TTC6: variants seen among roughly 807,000 people sequenced by gnomAD.
TTC6 encodes the protein tetratricopeptide repeat protein 6.
In TTC6, 172 loss-of-function variants were observed where a neutral mutation model predicts 210.4. The observed-to-expected ratio is 0.82, with a 90% CI of 0.72 to 0.93. The LOEUF (loss-of-function observed/expected upper bound fraction) is 0.93, where lower values mean the gene tolerates loss of function less well. Among genes scored for constraint, TTC6 ranks in the 40% least tolerant of loss-of-function variants. TTC6 has a pLI of 0.00. For synonymous variants in TTC6, 804 were observed against 819.6 expected, an observed-to-expected ratio of 0.98 and a Z score of 0.32; for missense variants, 2,414 against 2,318.1, an observed-to-expected ratio of 1.04 and a Z score of -0.85.
chr14:37,808,899 T>C (rs2096123998), intron 24 of TTC6, 53 bp downstream of exon 26: 2 of 870,326 alleles, frequency 2.3e-6, no homozygotes, highest in Non-Finnish European at 3.6e-6. Flanking sequence ...ATAAATAACA[T>C]GCATTTAATA....
chr14:37,649,691 G>C (rs1174408880), intron 1 of TTC6, among the ~76,000 whole-genome samples: 1 of 152,100 alleles, frequency 6.6e-6, no homozygotes, highest in Non-Finnish European at 1.5e-5. Context: ...TAGAATATTG[G>C]GTATGTGAGT....
At chr14:37,819,999 G>C (rs1294224571) in intron 26 of TTC6, among the ~76,000 whole-genome samples, 2 of 152,152 alleles carry the variant, frequency 1.3e-5, no homozygotes, top group African/African-American at 4.8e-5. Flanking sequence ...TTACACTTGT[G>C]GTAACTGATG....
intron 14 of TTC6, among the ~76,000 whole-genome samples, chr14:37,755,895 C>A (rs1349004647): frequency 6.6e-6 from 1 of 152,158 alleles, no homozygotes; most frequent in Non-Finnish European, 1.5e-5. Flanking sequence ...TGAAGAAAGT[C>A]AGTGGTAGCT....
intron 26 of TTC6, among the ~76,000 whole-genome samples, chr14:37,818,468 C>T (rs2096147631): frequency 6.6e-6 from 1 of 151,790 alleles, no homozygotes; most frequent in Non-Finnish European, 1.5e-5. Context: ...TTTTTTTCCC[C>T]TAAGAAACAA....
intron 1 of TTC6, among the ~76,000 whole-genome samples, chr14:37,673,198 C>T (rs76767714): frequency 0.014 from 2,187 of 152,040 alleles, 41 homozygotes; most frequent in African/African-American, 0.049. Context: ...GGGGTAAGAA[C>T]GGATGTCAAG....
intron 8 of TTC6, among the ~76,000 whole-genome samples, chr14:37,736,354 T>A (rs1026440360): frequency 6.6e-6 from 1 of 151,356 alleles, no homozygotes; most frequent in Non-Finnish European, 1.5e-5. Flanking sequence ...CAAAAAAAAT[T>A]TTTTTTTTTC....
At chr14:37,623,320 A>T (rs1268103426) in intron 1 of TTC6, among the ~76,000 whole-genome samples, 1 of 152,224 alleles carries the variant, frequency 6.6e-6, no homozygotes, top group Non-Finnish European at 1.5e-5. Flanking sequence ...TTTCGTGATT[A>T]TTTAGTGTTA....
rs116983293 is a variant in TTC6 at position 37,746,441 on chromosome 14, G to A, written c.2364-2498G>A. On this transcript the variant is annotated intron_variant, in intron 10 of 30. Coordinates refer to ENST00000553443, the Ensembl canonical transcript of TTC6. ...ATGCATGAGTGTTACCTGGGAACTT[G>A]TTAGAGGTGCAAGTTCTAGAACTCC... is the stretch of plus-strand genomic sequence containing the variant. Among the ~76,000 whole-genome samples, 201 of 152,276 alleles carry A rather than the reference G, an allele frequency of 1.3e-3. 1 individual carries two copies. The highest frequency in any genetic ancestry group is 2.3e-3 in the Non-Finnish European group (158 of 68,018).
intron 5 of TTC6, among the ~76,000 whole-genome samples, chr14:37,702,529 T>C (rs1238828246): frequency 1.3e-5 from 2 of 152,198 alleles, no homozygotes; most frequent in Admixed American, 1.3e-4. Flanking sequence ...ATGCTTGCTC[T>C]ACAGTCTCTC....
chr14:37,723,045 A>G (rs562207250), intron 6 of TTC6, among the ~76,000 whole-genome samples: 1 of 152,342 alleles, frequency 6.6e-6, no homozygotes, highest in East Asian at 1.9e-4. Flanking sequence ...GTTGTAATAC[A>G]GTACTACATT....
At chr14:37,719,307 C>A (rs980656269) in intron 6 of TTC6, among the ~76,000 whole-genome samples, 2 of 151,314 alleles carry the variant, frequency 1.3e-5, no homozygotes, top group Admixed American at 6.6e-5. Flanking sequence ...TAAGCAATTC[C>A]TGTCAAAATT....
At chr14:37,595,948 G>C (rs950282277) in exon 1 of TTC6, 3 of 152,262 alleles carry the variant, frequency 2.0e-5, no homozygotes, top group African/African-American at 7.2e-5. Context: ...AGGCCGACCC[G>C]GGCCCCGGGC....
intron 1 of TTC6, among the ~76,000 whole-genome samples, chr14:37,624,341 G>A (rs1040776789): frequency 6.6e-6 from 1 of 152,186 alleles, no homozygotes; most frequent in Admixed American, 6.5e-5. Context: ...CCAATGAAGA[G>A]CCTTAGCAAA....
chr14:37,767,734 C>CTCCCATT (rs2096003823), intron 14 of TTC6, among the ~76,000 whole-genome samples: 1 of 151,632 alleles, frequency 6.6e-6, no homozygotes, highest in Non-Finnish European at 1.5e-5. Context: ...CGAAAATTTT[C>CTCCCATT]TCCCATTTTG....
upstream of TTC6, among the ~76,000 whole-genome samples, chr14:37,618,376 A>T (rs1314464933): frequency 1.3e-5 from 2 of 152,230 alleles, no homozygotes; most frequent in Non-Finnish European, 2.9e-5. Context: ...AAAGGCATAG[A>T]CAGATTTTAA....
intron 10 of TTC6, among the ~76,000 whole-genome samples, chr14:37,742,547 C>T (rs1477840062): frequency 6.6e-6 from 1 of 151,734 alleles, no homozygotes; most frequent in African/African-American, 2.4e-5. Flanking sequence ...GTAGCTGGGC[C>T]TACAGGTGGG....
At chr14:37,633,636 A>G (rs1418735693) in intron 1 of TTC6, among the ~76,000 whole-genome samples, 2 of 152,226 alleles carry the variant, frequency 1.3e-5, no homozygotes, top group Non-Finnish European at 2.9e-5. Flanking sequence ...TCCAGTATCA[A>G]CGGGCTGTTA....
intron 7 of TTC6, among the ~76,000 whole-genome samples, chr14:37,727,510 G>A (rs1334370603): frequency 7.3e-6 from 1 of 137,464 alleles, no homozygotes; most frequent in South Asian, 2.5e-4. Context: ...AGCTAGGATG[G>A]TCTTGATCTC....
At chr14:37,654,430 C>G (rs951058289) in intron 1 of TTC6, among the ~76,000 whole-genome samples, 2 of 152,106 alleles carry the variant, frequency 1.3e-5, no homozygotes, top group Admixed American at 6.5e-5. Context: ...CCCTCACTCT[C>G]TTGCTCCTAC....
Sources: gnomAD v4.1 joint callset for allele counts (sites outside exome capture counted in the v4.1 genomes callset) on GRCh38, gnomAD v4.1.1 for gene constraint, MANE v1.5 for transcripts, NCBI Gene and HGNC (gene_info 2026-07-23, HGNC 2026-07-21) for gene names.